TNNC1: variants seen among roughly 807,000 people sequenced by gnomAD.
TNNC1 encodes the protein troponin C, slow skeletal and cardiac muscles.
Under a neutral mutation model 19.6 loss-of-function variants are expected in TNNC1, and 10 were observed. The observed-to-expected ratio is 0.51, with a 90% CI of 0.31 to 0.87. The LOEUF (loss-of-function observed/expected upper bound fraction) is 0.87. Ranked by LOEUF, TNNC1 falls within the 40% of genes least tolerant of loss-of-function variation. The probability of loss-of-function intolerance (pLI) is 0.04; values close to 1 mark genes in which losing one functional copy is unlikely to be tolerated. For missense variants in TNNC1, 115 were observed against 219.8 expected, an observed-to-expected ratio of 0.52 and a Z score of 3.02; for synonymous variants, 85 against 80.1, an observed-to-expected ratio of 1.06 and a Z score of -0.33.
Position 52,451,981 on chromosome 3 carries a change from T to C in TNNC1, c.203-123A>G, listed in dbSNP as rs542220887. The C allele has an allele frequency of 9.0e-6, 14 of 1,558,790 alleles. No homozygotes were observed. Among genetic ancestry groups the C allele is most frequent in the Non-Finnish European group, 1.1e-5 (13 of 1,133,086 alleles). On this transcript the variant is annotated intron_variant, in intron 3 of 5. Transcript: ENST00000232975. The surrounding 1 kb of genome is among the most constrained non-coding windows in gnomAD (Gnocchi z 4.8). The stretch of plus-strand genomic sequence containing the variant: ...AAACGCCAGGCTTGTGTAGCCCTTA[T>C]GCCCATTTTATAGATGAGGCAACCA...
Position 52,452,603 on chromosome 3 carries a change from T to C in TNNC1, c.25-90A>G. 1 of 1,402,582 alleles carries C rather than the reference T, an allele frequency of 7.1e-7. No homozygotes were observed. Among genetic ancestry groups the C allele is most frequent in the Non-Finnish European group, 1.0e-6 (1 of 1,003,736 alleles). The allele number at this position is 1,402,582 out of a possible 1,614,324, so 86.9% of individuals were successfully genotyped here. Reference sequence around the variant, plus strand: ...ATTCCACAGGTGAGAAGGCTGGAGCTGGAGGAGGCAGGCTATTTCCAGGCC... The same window carrying C: ...ATTCCACAGGTGAGAAGGCTGGAGCCGGAGGAGGCAGGCTATTTCCAGGCC... On this transcript the variant is annotated intron_variant, in intron 1 of 5. Coordinates refer to ENST00000232975, the MANE Select transcript of TNNC1 (RefSeq NM_003280.3). The surrounding 1 kb of genome is among the most constrained non-coding windows in gnomAD (Gnocchi z 5.2).
At chr3:52,453,805 G>A (rs1259356595) in intron 1 of TNNC1, among the ~76,000 whole-genome samples, 187 bp downstream of exon 1, 4 of 152,140 alleles carry the variant, frequency 2.6e-5, no homozygotes, top group Non-Finnish European at 5.9e-5. Context: ...CTTCAGACCC[G>A]GAACCCCCTA....
Position 52,452,539 on chromosome 3 carries a change from C to T in TNNC1, c.25-26G>A, listed in dbSNP as rs1228771591. On this transcript the variant is annotated intron_variant, in intron 1 of 5. Transcript: ENST00000232975. This position sits in a 1 kb window ranked among gnomAD's most constrained non-coding sequence, Gnocchi z 5.2. ...CTAGAAAGGAAAGGGAATCTCAAGGCTCAGACTCAGGTATAGCTGCTGCTG... is the reference window on the plus strand; with the variant it reads ...CTAGAAAGGAAAGGGAATCTCAAGGTTCAGACTCAGGTATAGCTGCTGCTG... The T allele has an allele frequency of 1.9e-6, 3 of 1,611,864 alleles. No individual in the cohort carries two copies. Among genetic ancestry groups the T allele is most frequent in the African/African-American group, 2.7e-5 (2 of 74,918 alleles).
intron 1 of TNNC1, among the ~76,000 whole-genome samples, chr3:52,453,134 T>A (rs994952345): frequency 2.6e-5 from 4 of 152,206 alleles, no homozygotes; most frequent in Non-Finnish European, 5.9e-5. Context: ...CCCCCAGAGC[T>A]GGCTATAGCA....
chr3:52,452,047 A>G lies in TNNC1; in HGVS notation c.202+59T>C. ...AAATTGCTCCCAGCTAAACAGAGCC[A>G]GCATTCCAGCCCCCAGCCAGCTGGG... On this transcript the variant is annotated intron_variant, in intron 3 of 5. Transcript: ENST00000232975. This position sits in a 1 kb window ranked among gnomAD's most constrained non-coding sequence, Gnocchi z 5.2. 2 of 1,612,890 alleles carry G rather than the reference A, an allele frequency of 1.2e-6. No individual in the cohort carries two copies. The highest frequency in any genetic ancestry group is 3.3e-5 in the Admixed American group (2 of 60,034).
Position 52,452,730 on chromosome 3 carries a change from A to T in TNNC1, c.25-217T>A. On this transcript the variant is annotated intron_variant, in intron 1 of 5. Coordinates refer to ENST00000232975, the MANE Select transcript of TNNC1 (RefSeq NM_003280.3). The surrounding 1 kb of genome is among the most constrained non-coding windows in gnomAD (Gnocchi z 5.2). The stretch of plus-strand genomic sequence containing the variant: ...CTCAGGGCCAGGGTGACAGGTGGGC[A>T]CCCCCTTCAGGACCAAGGTGACCCT... The T allele has an allele frequency of 1.6e-6, 1 of 627,654 alleles. No homozygotes were observed. Among genetic ancestry groups the T allele is most frequent in the Non-Finnish European group, 2.9e-6 (1 of 349,324 alleles). 38.9% of individuals were successfully genotyped at this position (627,654 alleles called of 1,614,324 possible).
At position 52,451,684 on chromosome 3, in the gene TNNC1, C is replaced by T; in HGVS notation, c.317+60G>A. 1 of 1,587,866 alleles carries T rather than the reference C, an allele frequency of 6.3e-7. No individual in the cohort carries two copies. ...CCTAGGCCTGGAATCTGAGACTGCC[C>T]TCCTGTACAGCTCGGCTTGAGTGTG... On this transcript the variant is annotated intron_variant, in intron 4 of 5. Coordinates refer to ENST00000232975, the MANE Select transcript of TNNC1 (RefSeq NM_003280.3). The surrounding 1 kb of genome is among the most constrained non-coding windows in gnomAD (Gnocchi z 4.8).
Position 52,452,010 on chromosome 3 carries a change from C to T in TNNC1, c.202+96G>A, listed in dbSNP as rs762990056. 101 of 1,598,884 alleles carry T rather than the reference C, an allele frequency of 6.3e-5. No individual in the cohort carries two copies. The highest frequency in any genetic ancestry group is 8.4e-5 in the Non-Finnish European group (98 of 1,168,690). On this transcript the variant is annotated intron_variant, in intron 3 of 5. Transcript: ENST00000232975. This position sits in a 1 kb window ranked among gnomAD's most constrained non-coding sequence, Gnocchi z 5.2. ...CATTTTATAGATGAGGCAACCAAGG[C>T]TCGGATAGGCTAAATTGCTCCCAGC...
Position 52,451,630 on chromosome 3 carries a change from C to T in TNNC1, c.318-103G>A, listed in dbSNP as rs1471250339. ...GGACACTGGGAGATGGGGCATCCCTCTCCCCTATCAGGCAGAGGCCACAGG... is the reference window on the plus strand; with the variant it reads ...GGACACTGGGAGATGGGGCATCCCTTTCCCCTATCAGGCAGAGGCCACAGG... On this transcript the variant is annotated intron_variant, in intron 4 of 5. Transcript: ENST00000232975. The surrounding 1 kb of genome is among the most constrained non-coding windows in gnomAD (Gnocchi z 4.8). 2.5e-6 allele frequency: 4 copies of T among 1,584,414 alleles called. No homozygotes were observed. The Admixed American group carries it at 6.7e-5, about 26-fold the overall frequency.
rs886058706 is a variant in TNNC1 at position 52,451,200 on chromosome 3, C to T, written c.*75G>A. The T allele has an allele frequency of 1.4e-5, 22 of 1,586,310 alleles. No homozygotes were observed. Among genetic ancestry groups the T allele is most frequent in the African/African-American group, 2.7e-5 (2 of 74,282 alleles). On this transcript the variant is annotated 3_prime_UTR_variant, in exon 6 of 6. Transcript: ENST00000232975. The surrounding 1 kb of genome is among the most constrained non-coding windows in gnomAD (Gnocchi z 4.8). Reference sequence around the variant, plus strand: ...TGGCCAGGCTCAGGTCCTGGGACCCCGACCCCCTCCCCAACCCCAGGACTC... The same window carrying T: ...TGGCCAGGCTCAGGTCCTGGGACCCTGACCCCCTCCCCAACCCCAGGACTC...
Position 52,451,395 on chromosome 3 carries a change from A to G in TNNC1, c.450T>C (p.Tyr150=). The G allele has an allele frequency of 6.2e-7, 1 of 1,614,154 alleles. No individual in the cohort carries two copies. Among genetic ancestry groups the G allele is most frequent in the Non-Finnish European group, 8.5e-7 (1 of 1,180,010 alleles). Residue 150 remains tyrosine, a synonymous_variant, in exon 5 of 6, where the codon TAT becomes TAC. Coordinates refer to ENST00000232975, the MANE Select transcript of TNNC1 (RefSeq NM_003280.3). The surrounding 1 kb of genome is among the most constrained non-coding windows in gnomAD (Gnocchi z 4.8). ...TCAGCCCACCCACCCGCTTACCATC[A>G]TAGTCGATGCGGCCGTCGTTGTTCT... ...GDKNNDGRID[Y]DEFLEFMKGV...
rs750021293 is a variant in TNNC1, at chr3:52,451,385, G to A, written c.454+6C>T. On this transcript the variant is annotated splice_donor_region_variant and intron_variant, in intron 5 of 5. Coordinates refer to ENST00000232975, the MANE Select transcript of TNNC1 (RefSeq NM_003280.3). The surrounding 1 kb of genome is among the most constrained non-coding windows in gnomAD (Gnocchi z 4.8). Reference sequence around the variant, plus strand: ...AGGCAGGAGATCAGCCCACCCACCCGCTTACCATCATAGTCGATGCGGCCG... The same window carrying A: ...AGGCAGGAGATCAGCCCACCCACCCACTTACCATCATAGTCGATGCGGCCG... 5.6e-6 allele frequency: 9 copies of A among 1,614,080 alleles called. No homozygotes were observed. Among genetic ancestry groups the A allele is most frequent in the South Asian group, 4.4e-5 (4 of 91,072 alleles).
In TNNC1 at chr3:52,452,197, G is replaced by A. The variant is rs796928635; in HGVS notation, c.111C>T (p.Ser37=). The A allele has an allele frequency of 6.2e-7, 1 of 1,613,992 alleles. No homozygotes were observed. Among genetic ancestry groups the A allele is most frequent in the Non-Finnish European group, 8.5e-7 (1 of 1,180,038 alleles). ...TCATCACCTTGCCCAGCTCCTTGGT[G>A]CTGATGCAGCCATCCTCAGCGCCCA... The part of the protein sequence containing the change: ...FVLGAEDGCI[S]TKELGKVMRM... The change falls in exon 3 of 6, where the codon AGC becomes AGT. Residue 37 remains serine (S), a synonymous_variant. Coordinates refer to ENST00000232975, the MANE Select transcript of TNNC1 (RefSeq NM_003280.3). The surrounding 1 kb of genome is among the most constrained non-coding windows in gnomAD (Gnocchi z 5.2).
Position 52,451,966 on chromosome 3 carries a change from C to G in TNNC1, c.203-108G>C, listed in dbSNP as rs1706336348. 3.9e-6 allele frequency: 6 copies of G among 1,544,220 alleles called. No individual in the cohort carries two copies. The highest frequency in any genetic ancestry group is 5.4e-6 in the Non-Finnish European group (6 of 1,119,882). On this transcript the variant is annotated intron_variant, in intron 3 of 5. Coordinates refer to ENST00000232975, the MANE Select transcript of TNNC1 (RefSeq NM_003280.3). The surrounding 1 kb of genome is among the most constrained non-coding windows in gnomAD (Gnocchi z 4.8). Reference sequence around the variant, plus strand: ...CCGCATCCTCACACCAAACGCCAGGCTTGTGTAGCCCTTATGCCCATTTTA... The same window carrying G: ...CCGCATCCTCACACCAAACGCCAGGGTTGTGTAGCCCTTATGCCCATTTTA...
Position 52,454,021 on chromosome 3 carries a change from C to T in TNNC1, c.-6G>A, listed in dbSNP as rs201615917. 2.6e-5 allele frequency: 41 copies of T among 1,577,640 alleles called. No homozygotes were observed. Among genetic ancestry groups the T allele is most frequent in the East Asian group, 7.0e-5 (3 of 43,132 alleles). Reference sequence around the variant, plus strand: ...GCCTTGTAGATGTCATCCATGCTGGCGGCTCACAGGACAGCTTGCTGGGGT... The same window carrying T: ...GCCTTGTAGATGTCATCCATGCTGGTGGCTCACAGGACAGCTTGCTGGGGT... On this transcript the variant is annotated 5_prime_UTR_variant, in exon 1 of 6. Transcript: ENST00000232975.
In TNNC1 at chr3:52,452,316, A is replaced by T. The variant is rs1578264456; in HGVS notation, c.56-64T>A. ...AGCAGCCAGGACCACGGAGGGCCAG[A>T]ACCCTGGGGCCACCTGCCAACCTGC... On this transcript the variant is annotated intron_variant, in intron 2 of 5. Transcript: ENST00000232975. The surrounding 1 kb of genome is among the most constrained non-coding windows in gnomAD (Gnocchi z 5.2). 7 of 1,602,300 alleles carry T rather than the reference A, an allele frequency of 4.4e-6. No homozygotes were observed. In the East Asian group the frequency reaches 1.6e-4, roughly 36 times the overall value.
At position 52,452,026 on chromosome 3, in the gene TNNC1, T is replaced by C. The variant is rs1706337085; in HGVS notation, c.202+80A>G. 2 of 1,607,732 alleles carry C rather than the reference T, an allele frequency of 1.2e-6. No homozygotes were observed. Among genetic ancestry groups the C allele is most frequent in the Non-Finnish European group, 1.7e-6 (2 of 1,175,834 alleles). On this transcript the variant is annotated intron_variant, in intron 3 of 5. Transcript: ENST00000232975. The surrounding 1 kb of genome is among the most constrained non-coding windows in gnomAD (Gnocchi z 5.2). Reference sequence around the variant, plus strand: ...CAACCAAGGCTCGGATAGGCTAAATTGCTCCCAGCTAAACAGAGCCAGCAT... The same window carrying C: ...CAACCAAGGCTCGGATAGGCTAAATCGCTCCCAGCTAAACAGAGCCAGCAT...
chr3:52,451,248 T>C lies in TNNC1; in HGVS notation c.*27A>G, dbSNP rs113599392. On this transcript the variant is annotated 3_prime_UTR_variant, in exon 6 of 6. Transcript: ENST00000232975. This position sits in a 1 kb window ranked among gnomAD's most constrained non-coding sequence, Gnocchi z 4.8. ...CTCAGCTGGAGTTGGAGGCTGGGCATAGGCAGCTCTGGGTGAAGGTCAGCA... is the reference window on the plus strand; with the variant it reads ...CTCAGCTGGAGTTGGAGGCTGGGCACAGGCAGCTCTGGGTGAAGGTCAGCA... 6.2e-7 allele frequency: 1 copy of C among 1,613,960 alleles called. No individual in the cohort carries two copies. Among genetic ancestry groups the C allele is most frequent in the Admixed American group, 1.7e-5 (1 of 60,008 alleles).
rs897587166 is a variant in TNNC1, at chr3:52,451,918, C to T, written c.203-60G>A. 5.2e-5 allele frequency: 81 copies of T among 1,554,530 alleles called. No individual in the cohort carries two copies. Among genetic ancestry groups the T allele is most frequent in the Middle Eastern group, 1.7e-4 (1 of 5,940 alleles). ...GGGTAGGTACTGCAGGCAGCACCTT[C>T]GACACGAACCCCCATGTTCTCACCG... On this transcript the variant is annotated intron_variant, in intron 3 of 5. Coordinates refer to ENST00000232975, the MANE Select transcript of TNNC1 (RefSeq NM_003280.3). The surrounding 1 kb of genome is among the most constrained non-coding windows in gnomAD (Gnocchi z 4.8).
Sources: allele counts gnomAD v4.1 joint callset (sites outside exome capture counted in the v4.1 genomes callset), GRCh38; gene constraint gnomAD v4.1.1; non-coding constraint Gnocchi (gnomAD v3.1); transcripts MANE v1.5; gene names NCBI Gene and HGNC (gene_info 2026-07-23, HGNC 2026-07-21).